The following CAMKMT variants were observed in gnomAD, a reference collection of about 807,000 sequenced individuals.
CAMKMT encodes CaM KMT.
In CAMKMT, 53 loss-of-function variants were observed where a neutral mutation model predicts 48.0. The observed-to-expected ratio is 1.10, with a 90% confidence interval of 0.89 to 1.39. The LOEUF is 1.39. CAMKMT is among the 40% of genes most tolerant of loss of function. The pLI is 0.00. For missense variants in CAMKMT, 428 were observed against 402.7 expected, an observed-to-expected ratio of 1.06 and a Z score of -0.54; for synonymous variants, 165 against 152.3, an observed-to-expected ratio of 1.08 and a Z score of -0.61.
chr2:44,558,792 G>A (rs148134017), intron 3 of CAMKMT, among the ~76,000 whole-genome samples: 3 of 152,274 alleles, frequency 2.0e-5, no homozygotes, highest in Non-Finnish European at 4.4e-5. Context: ...GGTGGGATGT[G>A]GAAGAGAGGT....
intron 3 of CAMKMT, among the ~76,000 whole-genome samples, chr2:44,694,564 AAAAAT>A (rs920435685): frequency 2.0e-5 from 3 of 152,226 alleles, no homozygotes; most frequent in Admixed American, 6.5e-5. Context: ...TCCTGTCTCC[AAAAAT>A]AAAATAAAAT....
intron 3 of CAMKMT, among the ~76,000 whole-genome samples, chr2:44,474,520 G>C (rs698807): frequency 0.71 from 107,673 of 151,776 alleles, 38,832 homozygotes; most frequent in South Asian, 0.79. Context: ...GTAAGAGAGA[G>C]ATAAAGAGGG....
chr2:44,594,876 A>G (rs950183648), intron 3 of CAMKMT, among the ~76,000 whole-genome samples: 1 of 152,194 alleles, frequency 6.6e-6, no homozygotes, highest in Non-Finnish European at 1.5e-5. Context: ...TGAACAGGCA[A>G]CCTACAAAAT....
intron 7 of CAMKMT, among the ~76,000 whole-genome samples, chr2:44,718,025 A>G (rs763651158): frequency 2.0e-5 from 3 of 152,122 alleles, no homozygotes; most frequent in Admixed American, 6.6e-5. Context: ...GGGCCCACTT[A>G]GGAAGAATGA....
intron 3 of CAMKMT, among the ~76,000 whole-genome samples, chr2:44,596,439 ACT>A (rs978564675): frequency 2.8e-4 from 43 of 151,996 alleles, no homozygotes; most frequent in African/African-American, 1.0e-3. Flanking sequence ...ACAGAGCGAG[ACT>A]CTGTCTCAAA....
In CAMKMT at chr2:44,706,329, G is replaced by T; in HGVS notation, c.480G>T (p.Leu160Phe). The change falls in exon 5 of 11, where the codon TTG (leucine) becomes TTT (phenylalanine). Residue 160 changes from leucine to phenylalanine, a missense_variant. By Grantham distance (22) the Leu-to-Phe change is conservative. Transcript: ENST00000378494. Reference sequence around the variant, plus strand: ...AGCTAGGGGGTGGCATGACATGCTTGGCTGGGCTCATGGTAGGTCTTTTCT... The same window carrying T: ...AGCTAGGGGGTGGCATGACATGCTTTGCTGGGCTCATGGTAGGTCTTTTCT... ...VCELGGGMTC[L>F]AGLMVAISAD... 6.2e-7 allele frequency: 1 copy of T among 1,613,334 alleles called. No individual in the cohort carries two copies. Among genetic ancestry groups the T allele is most frequent in the Non-Finnish European group, 8.5e-7 (1 of 1,179,528 alleles).
intron 3 of CAMKMT, among the ~76,000 whole-genome samples, chr2:44,569,849 G>A (rs1049617655): frequency 1.3e-5 from 2 of 152,150 alleles, no homozygotes; most frequent in African/African-American, 4.8e-5. Flanking sequence ...GTCTGATGAT[G>A]TGGATTTTAT....
At chr2:44,365,885 T>C (rs1678540204) in intron 1 of CAMKMT, among the ~76,000 whole-genome samples, 1 of 152,252 alleles carries the variant, frequency 6.6e-6, no homozygotes, top group Non-Finnish European at 1.5e-5. Flanking sequence ...TATGGAATAT[T>C]TCACAGTTCA....
At chr2:44,757,903 G>C (rs775805415) in intron 9 of CAMKMT, among the ~76,000 whole-genome samples, 2 of 152,106 alleles carry the variant, frequency 1.3e-5, no homozygotes, top group Non-Finnish European at 2.9e-5. Context: ...CATTTTCCTG[G>C]AGAAATGCTG....
At chr2:44,394,370 A>T (rs183822064) in intron 3 of CAMKMT, among the ~76,000 whole-genome samples, 1 of 151,886 alleles carries the variant, frequency 6.6e-6, no homozygotes, top group African/African-American at 2.4e-5. Flanking sequence ...TCTGCCATAT[A>T]TACTTGTACA....
intron 3 of CAMKMT, among the ~76,000 whole-genome samples, chr2:44,519,348 G>A (rs534370414): frequency 1.3e-5 from 2 of 152,276 alleles, no homozygotes; most frequent in African/African-American, 4.8e-5. Context: ...TGTTTGTAGA[G>A]AGCATTATAT....
At chr2:44,541,289 G>C (rs1043890251) in intron 3 of CAMKMT, among the ~76,000 whole-genome samples, 6 of 152,144 alleles carry the variant, frequency 3.9e-5, no homozygotes, top group Admixed American at 3.9e-4. Context: ...AGCTTAGAGA[G>C]AATAGACATC....
chr2:44,380,933 G>A (rs1308512556), intron 2 of CAMKMT, among the ~76,000 whole-genome samples: 1 of 151,990 alleles, frequency 6.6e-6, no homozygotes, highest in Non-Finnish European at 1.5e-5. Context: ...AGGCTGAGGT[G>A]GGTGGGTCAC....
intron 3 of CAMKMT, among the ~76,000 whole-genome samples, chr2:44,633,719 CTT>C (rs2103976653): frequency 6.6e-6 from 1 of 152,142 alleles, no homozygotes; most frequent in Admixed American, 6.5e-5. Flanking sequence ...AATCCATCAT[CTT>C]TGTCACTTCT....
At chr2:44,715,500 C>T in intron 7 of CAMKMT, 147 bp downstream of exon 7, 1 of 615,840 alleles carries the variant, frequency 1.6e-6, no homozygotes, top group Non-Finnish European at 2.9e-6. Flanking sequence ...AGTATTATCT[C>T]ATTTAATGCT....
intron 1 of CAMKMT, among the ~76,000 whole-genome samples, chr2:44,364,222 G>C (rs1411451326): frequency 1.3e-5 from 2 of 152,022 alleles, no homozygotes; most frequent in African/African-American, 4.8e-5. Flanking sequence ...TGAAAACAGT[G>C]ACAAGTTTCA....
At chr2:44,583,418 A>G (rs952462684) in intron 3 of CAMKMT, among the ~76,000 whole-genome samples, 3 of 152,206 alleles carry the variant, frequency 2.0e-5, no homozygotes, top group Non-Finnish European at 2.9e-5. Flanking sequence ...GGATTCTTCA[A>G]TAAGAAATCA....
chr2:44,472,882 A>AT (rs1367221847), intron 3 of CAMKMT, among the ~76,000 whole-genome samples: 1 of 152,126 alleles, frequency 6.6e-6, no homozygotes, highest in African/African-American at 2.4e-5. Context: ...ATCAAGTTGC[A>AT]TTTTTTCTAG....
intron 3 of CAMKMT, among the ~76,000 whole-genome samples, chr2:44,624,715 C>A (rs1021061041): frequency 4.6e-5 from 7 of 152,116 alleles, no homozygotes; most frequent in Non-Finnish European, 1.0e-4. Flanking sequence ...TTTCTTAATC[C>A]AGTCTATCAT....
Sources: gnomAD v4.1 joint callset for allele counts (sites outside exome capture counted in the v4.1 genomes callset) on GRCh38, gnomAD v4.1.1 for gene constraint, MANE v1.5 for transcripts, NCBI Gene and HGNC (gene_info 2026-07-23, HGNC 2026-07-21) for gene names.